The following ABHD16A variants were observed in gnomAD, a reference collection of about 807,000 sequenced individuals.
ABHD16A encodes the protein abhydrolase domain containing 16A, phospholipase.
Under a neutral mutation model 89.8 loss-of-function variants are expected in ABHD16A, and 47 were observed. The observed-to-expected ratio is 0.52, with a 90% CI of 0.41 to 0.67. ABHD16A has a LOEUF of 0.67. Among genes scored for constraint, ABHD16A ranks in the 30% least tolerant of loss-of-function variants. ABHD16A has a pLI of 0.00. For missense variants in ABHD16A, 580 were observed against 734.6 expected, an observed-to-expected ratio of 0.79 and a Z score of 2.43; for synonymous variants, 251 against 280.4, an observed-to-expected ratio of 0.90 and a Z score of 1.05.
At chr6:31,692,696 A>C in intron 7 of ABHD16A, 32 of 379,784 alleles carry the variant, frequency 8.4e-5, no homozygotes, top group Non-Finnish European at 1.1e-4. Flanking sequence ...CACGATGGGT[A>C]CACAGATGCT....
chr6:31,688,347 G>T lies in ABHD16A; in HGVS notation c.1251-42C>A. On this transcript the variant is annotated intron_variant, in intron 14 of 19. Coordinates refer to ENST00000395952, the MANE Select transcript of ABHD16A (RefSeq NM_021160.3). The surrounding 1 kb of genome is among the most constrained non-coding windows in gnomAD (Gnocchi z 4.9). ...AGTGGGAAGGGAGAGCTCAGAGGGAGACGGGTGACAACTGGCCCACCCCTA... is the reference window on the plus strand; with the variant it reads ...AGTGGGAAGGGAGAGCTCAGAGGGATACGGGTGACAACTGGCCCACCCCTA... 1 of 1,596,170 alleles carries T rather than the reference G, an allele frequency of 6.3e-7. No individual in the cohort carries two copies. The highest frequency in any genetic ancestry group is 8.6e-7 in the Non-Finnish European group (1 of 1,164,016).
Position 31,690,621 on chromosome 6 carries a change from G to A in ABHD16A, c.844-19C>T. The A allele has an allele frequency of 1.9e-6, 3 of 1,612,708 alleles. No individual in the cohort carries two copies. The highest frequency in any genetic ancestry group is 2.5e-6 in the Non-Finnish European group (3 of 1,179,800). On this transcript the variant is annotated intron_variant, in intron 9 of 19. Transcript: ENST00000395952. This position sits in a 1 kb window ranked among gnomAD's most constrained non-coding sequence, Gnocchi z 4.1. ...AGATCACCTAGGAAGGAGGCAGGAA[G>A]GAAGGGCTGGGGGGCCAAGTTGGGA...
At chr6:31,703,029 C>A in intron 1 of ABHD16A, 121 bp downstream of exon 1, 1 of 1,359,124 alleles carries the variant, frequency 7.4e-7, no homozygotes. Flanking sequence ...GCAGATTTTG[C>A]GGATAACTGG....
At chr6:31,689,902 C>CA (rs1223266974) in intron 11 of ABHD16A, among the ~76,000 whole-genome samples, 176 bp downstream of exon 11, 1 of 152,200 alleles carries the variant, frequency 6.6e-6, no homozygotes, top group African/African-American at 2.4e-5. Context: ...GCTAGCCCCG[C>CA]ACTGTGGGGA....
At chr6:31,689,148 G>C (rs1052605303) in intron 12 of ABHD16A, 29 bp from the exon 13 acceptor site, 2 of 1,596,760 alleles carry the variant, frequency 1.3e-6, no homozygotes, top group African/African-American at 2.7e-5. Context: ...AGAAGAGTAA[G>C]AACTGAGAAA....
intron 7 of ABHD16A, among the ~76,000 whole-genome samples, chr6:31,692,476 G>T (rs972824696): frequency 6.6e-6 from 1 of 152,086 alleles, no homozygotes; most frequent in Non-Finnish European, 1.5e-5. Flanking sequence ...GGTTATTTCC[G>T]TTCCTTCTGA....
chr6:31,694,430 G>A (rs934534559), intron 5 of ABHD16A, among the ~76,000 whole-genome samples: 10 of 117,776 alleles, frequency 8.5e-5, no homozygotes, highest in South Asian at 2.9e-4. Flanking sequence ...TCACTCTGTC[G>A]CCCAGGCTGG....
At chr6:31,699,518 A>G (rs1804724854) in intron 4 of ABHD16A, among the ~76,000 whole-genome samples, 2 of 149,588 alleles carry the variant, frequency 1.3e-5, no homozygotes, top group Non-Finnish European at 1.5e-5. Flanking sequence ...TACTGCATAC[A>G]TTATTTTGTG....
Position 31,703,246 on chromosome 6 carries a change from C to T in ABHD16A, c.36G>A (p.Arg12=). 2 of 1,424,744 alleles carry T rather than the reference C, an allele frequency of 1.4e-6. No homozygotes were observed. Among genetic ancestry groups the T allele is most frequent in the Non-Finnish European group, 1.9e-6 (2 of 1,077,682 alleles). 88.3% of individuals were successfully genotyped at this position (1,424,744 alleles called of 1,614,324 possible). Residue 12 remains arginine, a synonymous_variant, in exon 1 of 20, where the codon CGG becomes CGA. Coordinates refer to ENST00000395952, the MANE Select transcript of ABHD16A (RefSeq NM_021160.3). ...AKLLSCVLGP[R]LYKIYRERDS... ...CCCTCTCCCGGTAGATTTTGTAGAG[C>T]CGGGGGCCTAGGACGCAGCTCAGCA...
At position 31,688,991 on chromosome 6, in the gene ABHD16A, G is replaced by A. The variant is rs2151223691; in HGVS notation, c.1186+24C>T. 9 of 1,601,034 alleles carry A rather than the reference G, an allele frequency of 5.6e-6. No individual in the cohort carries two copies. Among genetic ancestry groups the A allele is most frequent in the Non-Finnish European group, 6.8e-6 (8 of 1,171,764 alleles). On this transcript the variant is annotated intron_variant, in intron 13 of 19. Coordinates refer to ENST00000395952, the MANE Select transcript of ABHD16A (RefSeq NM_021160.3). The surrounding 1 kb of genome is among the most constrained non-coding windows in gnomAD (Gnocchi z 4.9). ...TTCCAGCCCACCCCTTCCCAGGAAG[G>A]GCAGGCCTGGGAGCTGCACTCACTC...
At position 31,703,284 on chromosome 6, in the gene ABHD16A, C is replaced by A. The variant is rs371315744; in HGVS notation, c.-3G>T. On this transcript the variant is annotated 5_prime_UTR_variant, in exon 1 of 20. Coordinates refer to ENST00000395952, the MANE Select transcript of ABHD16A (RefSeq NM_021160.3). Reference sequence around the variant, plus strand: ...ACGCAGCTCAGCAGCTTCGCCATGGCCCCGGCTCGGGCCGCTGCTCTTCCA... The same window carrying A: ...ACGCAGCTCAGCAGCTTCGCCATGGACCCGGCTCGGGCCGCTGCTCTTCCA... 4 of 1,348,088 alleles carry A rather than the reference C, an allele frequency of 3.0e-6. No homozygotes were observed. In the African/African-American group the frequency reaches 6.0e-5, roughly 20 times the overall value. The allele number at this position is 1,348,088 out of a possible 1,614,324, so 83.5% of individuals were successfully genotyped here. A position where few individuals can be genotyped will look rare whatever the true frequency, so the allele number is the denominator to read the frequency against.
chr6:31,700,849 G>C, intron 4 of ABHD16A, 93 bp downstream of exon 4: 1 of 985,252 alleles, frequency 1.0e-6, no homozygotes, highest in Non-Finnish European at 1.6e-6. Context: ...CCCTCTCGGA[G>C]GCCCATCACT....
intron 7 of ABHD16A, 122 bp from the exon 8 acceptor site, chr6:31,692,040 T>G: frequency 1.4e-6 from 1 of 735,224 alleles, no homozygotes; most frequent in Non-Finnish European, 2.2e-6. Context: ...CTTCACAGCT[T>G]TACTTTCCTC....
chr6:31,696,664 C>G (rs1186189467), intron 5 of ABHD16A, among the ~76,000 whole-genome samples: 1 of 151,260 alleles, frequency 6.6e-6, no homozygotes, highest in African/African-American at 2.4e-5. Flanking sequence ...AAAAAAGAAA[C>G]ATTGTGGAAT....
chr6:31,701,973 C>T (rs1365145715), intron 2 of ABHD16A, 101 bp downstream of exon 2: 29 of 1,364,312 alleles, frequency 2.1e-5, no homozygotes, highest in South Asian at 2.0e-4. Flanking sequence ...AGGGCATCCC[C>T]CAACCCCAGG....
Position 31,693,519 on chromosome 6 carries a change from G to T in ABHD16A, c.430-87C>A. On this transcript the variant is annotated intron_variant, in intron 5 of 19. Coordinates refer to ENST00000395952, the MANE Select transcript of ABHD16A (RefSeq NM_021160.3). The surrounding 1 kb of genome is among the most constrained non-coding windows in gnomAD (Gnocchi z 5.0). ...CTCAACAACACCTTCGTTATCCAGG[G>T]GTCTGATCCCCACACATCATGGGGA... The T allele has an allele frequency of 1.6e-6, 2 of 1,285,704 alleles. No individual in the cohort carries two copies. Among genetic ancestry groups the T allele is most frequent in the South Asian group, 1.2e-5 (1 of 81,498 alleles). 79.6% of individuals were successfully genotyped at this position (1,285,704 alleles called of 1,614,324 possible). A position where few individuals can be genotyped will look rare whatever the true frequency, so the allele number is the denominator to read the frequency against.
In ABHD16A at chr6:31,699,216, C is replaced by T. The variant is rs915077113; in HGVS notation, c.343+1726G>A. The stretch of plus-strand genomic sequence containing the variant: ...GGTCAGGAGATTGAGACCATCCTGG[C>T]TAACACGGTGAAACCCCATCTCTAC... On this transcript the variant is annotated intron_variant, in intron 4 of 19. Transcript: ENST00000395952. Among the ~76,000 whole-genome samples the T allele has an allele frequency of 6.6e-5, 10 of 151,854 alleles. No individual in the cohort carries two copies. The South Asian group carries it at 1.0e-3, about 16-fold the overall frequency.
chr6:31,689,790 C>T, intron 11 of ABHD16A, 86 bp from the exon 12 acceptor site: 1 of 1,517,360 alleles, frequency 6.6e-7, no homozygotes. Flanking sequence ...CTCCTGCAGC[C>T]ACCTATGACA....
At chr6:31,701,965 G>A in intron 2 of ABHD16A, 109 bp downstream of exon 2, 1 of 1,229,098 alleles carries the variant, frequency 8.1e-7, no homozygotes, top group Non-Finnish European at 1.2e-6. Flanking sequence ...CAGAGCCCAG[G>A]GCATCCCCCA....
Sources: gnomAD v4.1 joint callset for allele counts (sites outside exome capture counted in the v4.1 genomes callset) on GRCh38, gnomAD v4.1.1 for gene constraint, Gnocchi (gnomAD v3.1) non-coding constraint, MANE v1.5 for transcripts, NCBI Gene and HGNC (gene_info 2026-07-23, HGNC 2026-07-21) for gene names.